The following UNC5D variants were observed in gnomAD, a reference collection of about 807,000 sequenced individuals.
The protein encoded by UNC5D is unc-5 netrin receptor D, also known as netrin receptor UNC5D.
UNC5D carries 39 observed loss-of-function variants against 105.4 expected under a neutral mutation model. The ratio of observed to expected loss-of-function variants is 0.37; its 90% CI spans 0.29 to 0.48. The LOEUF is 0.48. Ranked by LOEUF, UNC5D falls within the 20% of genes least tolerant of loss-of-function variation. The pLI is 0.98. For synonymous variants in UNC5D, 452 were observed against 450.4 expected (o/e 1.00, Z -0.04); for missense variants, 991 against 1,202.4 (o/e 0.82, Z 2.60).
intron 4 of UNC5D, among the ~76,000 whole-genome samples, chr8:35,653,911 C>T (rs1428502958): frequency 6.6e-6 from 1 of 152,014 alleles, no homozygotes; most frequent in Non-Finnish European, 1.5e-5. Context: ...TCTGCACATT[C>T]CTATTCATAA....
chr8:35,482,375 G>A (rs1810537873), intron 1 of UNC5D, among the ~76,000 whole-genome samples: 1 of 152,084 alleles, frequency 6.6e-6, no homozygotes, highest in Non-Finnish European at 1.5e-5. Context: ...CCAAAATTTG[G>A]GCACATTTCT....
At chr8:35,307,781 A>G (rs1808534054) in intron 1 of UNC5D, among the ~76,000 whole-genome samples, 1 of 152,146 alleles carries the variant, frequency 6.6e-6, no homozygotes, top group African/African-American at 2.4e-5. Flanking sequence ...TTGCCTTCCT[A>G]CACATGCATA....
chr8:35,580,704 A>G (rs762165477), intron 3 of UNC5D, among the ~76,000 whole-genome samples: 19 of 152,178 alleles, frequency 1.2e-4, no homozygotes, highest in Admixed American at 1.2e-3. Flanking sequence ...CATCGACTTG[A>G]ACAAAACAAT....
At position 35,740,090 on chromosome 8, in the gene UNC5D, TGA is replaced by T. The variant is rs568172292; in HGVS notation, c.1767-8432_1767-8431del. 1.5e-3 allele frequency among the ~76,000 whole-genome samples: 230 copies of T among 152,262 alleles called. 4 individuals are homozygous for T. The highest frequency in any genetic ancestry group is 8.6e-3 in the Admixed American group (131 of 15,292). On this transcript the variant is annotated intron_variant, in intron 11 of 16. Transcript: ENST00000404895. ...TACCTTGGTTGGATTGCGTGGTGTC[TGA>T]GAGACAATAGTGGATCAGGAGACAG...
intron 8 of UNC5D, among the ~76,000 whole-genome samples, chr8:35,708,509 T>C (rs915782891): frequency 6.6e-6 from 1 of 152,208 alleles, no homozygotes; most frequent in Non-Finnish European, 1.5e-5. Context: ...TGTGTAACAA[T>C]GTCAGGAGGT....
chr8:35,591,153 T>C (rs1819143305), intron 3 of UNC5D, among the ~76,000 whole-genome samples: 1 of 152,164 alleles, frequency 6.6e-6, no homozygotes, highest in Non-Finnish European at 1.5e-5. Flanking sequence ...TGTGGCTGCT[T>C]ACAATCTCAT....
At chr8:35,511,080 G>C (rs1246276558) in intron 1 of UNC5D, among the ~76,000 whole-genome samples, 2 of 151,966 alleles carry the variant, frequency 1.3e-5, no homozygotes, top group Non-Finnish European at 2.9e-5. Flanking sequence ...AAGCTTTCAG[G>C]GACTTTCCTC....
chr8:35,579,753 CTGCTAAG>C (rs1818349825), intron 3 of UNC5D, among the ~76,000 whole-genome samples: 1 of 152,200 alleles, frequency 6.6e-6, no homozygotes, highest in Admixed American at 6.5e-5. Context: ...TTCAAATTCT[CTGCTAAG>C]TGTTTAGATT....
At position 35,792,455 on chromosome 8, in the gene UNC5D, A is replaced by C. The variant is rs1803086783; in HGVS notation, c.*1892A>C. On this transcript the variant is annotated 3_prime_UTR_variant, in exon 17 of 17. Coordinates refer to ENST00000404895, the MANE Select transcript of UNC5D (RefSeq NM_080872.4). ...ACAAAGAAATCATCTTAGAACTGTC[A>C]AGCATATTTTCACAATACCATGTCA... 1 of 153,302 alleles carries C rather than the reference A, an allele frequency of 6.5e-6. No homozygotes were observed. The highest frequency in any genetic ancestry group is 1.5e-5 in the Non-Finnish European group (1 of 68,924). The allele number at this position is 153,302 out of a possible 1,614,324, so 9.5% of individuals were successfully genotyped here.
chr8:35,583,565 G>A (rs1351443321), intron 3 of UNC5D, among the ~76,000 whole-genome samples: 1 of 152,056 alleles, frequency 6.6e-6, no homozygotes, highest in African/African-American at 2.4e-5. Context: ...TTTCTCATTA[G>A]CACAGCAAGT....
At chr8:35,610,479 G>T (rs993698668) in intron 4 of UNC5D, among the ~76,000 whole-genome samples, 2 of 152,120 alleles carry the variant, frequency 1.3e-5, no homozygotes, top group Non-Finnish European at 2.9e-5. Flanking sequence ...ATAAAACTAA[G>T]AACAGAGCAC....
At chr8:35,680,679 T>C (rs1825600501) in intron 4 of UNC5D, among the ~76,000 whole-genome samples, 1 of 152,222 alleles carries the variant, frequency 6.6e-6, no homozygotes, top group South Asian at 2.1e-4. Flanking sequence ...TTAATTTTCC[T>C]CTGAGCCAAG....
chr8:35,660,555 A>T (rs1362561342), intron 4 of UNC5D, among the ~76,000 whole-genome samples: 4 of 152,200 alleles, frequency 2.6e-5, no homozygotes, highest in African/African-American at 9.7e-5. Context: ...TGTATGCAGA[A>T]CCAAAGGCAC....
chr8:35,310,171 T>C (rs1357060043), intron 1 of UNC5D, among the ~76,000 whole-genome samples: 1 of 152,190 alleles, frequency 6.6e-6, no homozygotes, highest in African/African-American at 2.4e-5. Context: ...TTTCTAATTT[T>C]GTTTATGTTT....
rs886778819 is a variant in UNC5D at position 35,403,878 on chromosome 8, T to C, written c.104-145414T>C. Among the ~76,000 whole-genome samples, 4 of 152,298 alleles carry C rather than the reference T, an allele frequency of 2.6e-5. No individual in the cohort carries two copies. In the East Asian group the frequency reaches 7.7e-4, roughly 29 times the overall value. ...GAGCAAAATCTGCTGTCTCCTGGAC[T>C]GCATTCCCTCTGTCCATCTTCCCCT... On this transcript the variant is annotated intron_variant, in intron 1 of 16. Transcript: ENST00000404895.
chr8:35,466,349 C>T (rs896975502), intron 1 of UNC5D, among the ~76,000 whole-genome samples: 3 of 152,132 alleles, frequency 2.0e-5, no homozygotes, highest in East Asian at 3.9e-4. Flanking sequence ...TGTATCAGCA[C>T]TTTTTTTCTT....
intron 1 of UNC5D, among the ~76,000 whole-genome samples, chr8:35,348,396 G>T (rs1811956546): frequency 6.6e-6 from 1 of 151,788 alleles, no homozygotes; most frequent in Admixed American, 6.6e-5. Flanking sequence ...TAATTACAAA[G>T]TCTGTTGGGG....
chr8:35,590,142 C>G (rs1302936411), intron 3 of UNC5D, among the ~76,000 whole-genome samples: 1 of 152,028 alleles, frequency 6.6e-6, no homozygotes, highest in Admixed American at 6.6e-5. Context: ...GTCCCTTCGC[C>G]ATTTTATTTG....
At chr8:35,533,214 A>G (rs1357910688) in intron 1 of UNC5D, among the ~76,000 whole-genome samples, 2 of 152,094 alleles carry the variant, frequency 1.3e-5, no homozygotes, top group East Asian at 1.9e-4. Context: ...GTAATGTACA[A>G]ATGGGTTTTC....
Sources: allele counts gnomAD v4.1 joint callset (sites outside exome capture counted in the v4.1 genomes callset), GRCh38; gene constraint gnomAD v4.1.1; transcripts MANE v1.5; gene names NCBI Gene and HGNC (gene_info 2026-07-23, HGNC 2026-07-21).